The following NBEA variants were observed in gnomAD, a reference collection of about 807,000 sequenced individuals.
NBEA encodes lysosomal-trafficking regulator 2.
In NBEA, 44 loss-of-function variants were observed where a neutral mutation model predicts 343.4. The ratio of observed to expected loss-of-function variants is 0.13; its 90% CI spans 0.10 to 0.16. The LOEUF (loss-of-function observed/expected upper bound fraction) is 0.16. NBEA is among the 10% of genes least tolerant of loss of function. The pLI, the probability that NBEA is intolerant of heterozygous loss-of-function variation, is 1.00. For missense variants in NBEA, 2,555 were observed against 3,631.3 expected, an observed-to-expected ratio of 0.70 and a Z score of 7.62; for synonymous variants, 1,175 against 1,238.7, an observed-to-expected ratio of 0.95 and a Z score of 1.08.
At chr13:35,547,675 A>G (rs1408896927) in intron 41 of NBEA, among the ~76,000 whole-genome samples, 2 of 151,932 alleles carry the variant, frequency 1.3e-5, no homozygotes, top group Non-Finnish European at 2.9e-5. Flanking sequence ...ATCATTTGAG[A>G]TCAGGAGTTC....
intron 41 of NBEA, among the ~76,000 whole-genome samples, chr13:35,541,725 G>GGTGTGAGTGT (rs2078832784): frequency 6.9e-6 from 1 of 145,144 alleles, no homozygotes; most frequent in East Asian, 2.1e-4. Context: ...GGTCTGCATG[G>GGTGTGAGTGT]GTGTGTGTGT....
intron 1 of NBEA, among the ~76,000 whole-genome samples, chr13:34,964,596 CACT>C (rs1408998834): frequency 1.3e-5 from 2 of 151,900 alleles, no homozygotes; most frequent in Non-Finnish European, 2.9e-5. Flanking sequence ...TTTCTGTCTG[CACT>C]ATTGAGAGTG....
intron 38 of NBEA, among the ~76,000 whole-genome samples, chr13:35,416,901 C>T (rs2043946185): frequency 6.6e-6 from 1 of 152,210 alleles, no homozygotes; most frequent in East Asian, 1.9e-4. Context: ...TTAATTATTG[C>T]CTCAATTTCA....
chr13:35,161,908 C>T lies in NBEA; in HGVS notation c.4020C>T (p.His1340=), dbSNP rs1593561821. Residue 1340 remains histidine (H), a synonymous_variant, in exon 23 of 59, where the codon CAC becomes CAT. Coordinates refer to ENST00000379939, the MANE Select transcript of NBEA (RefSeq NM_001385012.1). ...CTGAGTTTAAATGGTCTCCAATGCA[C>T]CAGCGGCTTCTCACTGATTTACTAT... ...RIPEFKWSPM[H]QRLLTDLLFA... is the part of the protein sequence containing the mutation. 6.4e-7 allele frequency: 1 copy of T among 1,570,024 alleles called. No homozygotes were observed. Among genetic ancestry groups the T allele is most frequent in the East Asian group, 2.4e-5 (1 of 42,384 alleles).
chr13:35,398,585 C>T (rs73502745), intron 38 of NBEA, among the ~76,000 whole-genome samples: 4,489 of 152,226 alleles, frequency 0.029, 188 homozygotes, highest in African/African-American at 0.086. Flanking sequence ...ATCAAAGCCC[C>T]TCGGTGACCA....
intron 10 of NBEA, among the ~76,000 whole-genome samples, chr13:35,087,834 A>G (rs913366042): frequency 6.6e-6 from 1 of 151,932 alleles, no homozygotes; most frequent in African/African-American, 2.4e-5. Flanking sequence ...TAACCAGAGA[A>G]CCTTGTAGAC....
intron 1 of NBEA, among the ~76,000 whole-genome samples, chr13:34,989,764 A>G (rs571598193): frequency 6.6e-6 from 1 of 150,938 alleles, no homozygotes; most frequent in Non-Finnish European, 1.5e-5. Context: ...TTAACTCAAA[A>G]GTCGAAGTCC....
At chr13:35,211,490 G>T (rs1416362530) in intron 33 of NBEA, among the ~76,000 whole-genome samples, 2 of 152,032 alleles carry the variant, frequency 1.3e-5, no homozygotes, top group Non-Finnish European at 2.9e-5. Flanking sequence ...ATAAAATTGG[G>T]CATCTTTGGG....
Position 35,672,120 on chromosome 13 carries a change from G to T in NBEA, c.*1129G>T, listed in dbSNP as rs1227336999. On this transcript the variant is annotated 3_prime_UTR_variant, in exon 59 of 59. Transcript: ENST00000379939. ...CATTTCATCTTTTATGATATAAAAT[G>T]ATGGCTATCAAATGATTTTCCATAC... 1 of 152,616 alleles carries T rather than the reference G, an allele frequency of 6.6e-6. No individual in the cohort carries two copies. The highest frequency in any genetic ancestry group is 6.5e-5 in the Admixed American group (1 of 15,282). The allele number at this position is 152,616 out of a possible 1,614,324, so 9.5% of individuals were successfully genotyped here. A position where few individuals can be genotyped will look rare whatever the true frequency, so the allele number is the denominator to read the frequency against.
intron 1 of NBEA, among the ~76,000 whole-genome samples, chr13:34,959,594 T>C (rs1240193448): frequency 6.6e-6 from 1 of 152,138 alleles, no homozygotes; most frequent in Non-Finnish European, 1.5e-5. Context: ...GTCTGTTGAG[T>C]AGCTGTGAAG....
chr13:35,027,692 A>G (rs535175474), intron 1 of NBEA, among the ~76,000 whole-genome samples: 1 of 152,052 alleles, frequency 6.6e-6, no homozygotes, highest in South Asian at 2.1e-4. Flanking sequence ...TATGAAGTCC[A>G]ATTTATTAAT....
At chr13:35,341,326 G>A (rs1197995204) in intron 36 of NBEA, among the ~76,000 whole-genome samples, 1 of 151,900 alleles carries the variant, frequency 6.6e-6, no homozygotes, top group Non-Finnish European at 1.5e-5. Flanking sequence ...AAATCTTCAT[G>A]ACCTTGAATT....
chr13:35,145,366 A>G (rs1252790877), intron 18 of NBEA, among the ~76,000 whole-genome samples: 1 of 152,102 alleles, frequency 6.6e-6, no homozygotes, highest in East Asian at 1.9e-4. Context: ...CTTAGGATGT[A>G]CCCCAGATAT....
At chr13:35,138,644 G>A (rs950759415) in intron 17 of NBEA, among the ~76,000 whole-genome samples, 1 of 151,958 alleles carries the variant, frequency 6.6e-6, no homozygotes, top group Admixed American at 6.6e-5. Context: ...GTTTCTGGTA[G>A]AGACAGGATT....
In NBEA at chr13:35,655,580, G is replaced by A. The variant is rs779743948; in HGVS notation, c.8193G>A (p.Gly2731=). 1 of 1,611,938 alleles carries A rather than the reference G, an allele frequency of 6.2e-7. No individual in the cohort carries two copies. Among genetic ancestry groups the A allele is most frequent in the South Asian group, 1.1e-5 (1 of 90,692 alleles). Residue 2731 remains glycine, a splice_region_variant and synonymous_variant, in exon 55 of 59, where the codon GGG becomes GGA. Transcript: ENST00000379939. ...KSFRVYSTET[G]KLTQIVFGHW... ...AAACCTGTCATTTCTGTGTTGCAGG[G>A]AAATTGACTCAGATTGTATTTGGCC...
intron 41 of NBEA, among the ~76,000 whole-genome samples, chr13:35,477,979 T>C (rs1015032838): frequency 6.6e-6 from 1 of 152,178 alleles, no homozygotes; most frequent in African/African-American, 2.4e-5. Flanking sequence ...TTTTTAAAAC[T>C]AGGTGGATTT....
chr13:35,215,271 A>T (rs2074002996), intron 33 of NBEA, among the ~76,000 whole-genome samples: 1 of 151,694 alleles, frequency 6.6e-6, no homozygotes, highest in Admixed American at 6.6e-5. Flanking sequence ...CAAACTTTTG[A>T]AATTGTCATT....
chr13:35,647,577 T>G (rs897970534), intron 51 of NBEA, among the ~76,000 whole-genome samples: 1 of 152,162 alleles, frequency 6.6e-6, no homozygotes, highest in African/African-American at 2.4e-5. Context: ...CTTTTTGTTG[T>G]TGTTGTTTTG....
chr13:35,013,023 T>C (rs1008378273), intron 1 of NBEA, among the ~76,000 whole-genome samples: 17 of 152,228 alleles, frequency 1.1e-4, no homozygotes, highest in African/African-American at 3.6e-4. Flanking sequence ...ATCAAATAGA[T>C]AGTTAATAGA....
Sources: gnomAD v4.1 joint callset for allele counts (sites outside exome capture counted in the v4.1 genomes callset) on GRCh38, gnomAD v4.1.1 for gene constraint, MANE v1.5 for transcripts, NCBI Gene and HGNC (gene_info 2026-07-23, HGNC 2026-07-21) for gene names.